Variants in PAFAH1B1 observed in about 807,000 individuals in gnomAD.
PAFAH1B1 encodes platelet activating factor acetylhydrolase 1b regulatory subunit 1.
Under a neutral mutation model 57.5 loss-of-function variants are expected in PAFAH1B1, and 2 were observed. That is an observed-to-expected ratio of 0.03 (90% confidence interval 0.01 to 0.11). The LOEUF (loss-of-function observed/expected upper bound fraction) is 0.11. Ranked by LOEUF, PAFAH1B1 falls within the 10% of genes least tolerant of loss-of-function variation. PAFAH1B1 has a pLI of 1.00. For synonymous variants in PAFAH1B1, 152 were observed against 169.6 expected, an observed-to-expected ratio of 0.90 and a Z score of 0.81; for missense variants, 257 against 512.0, an observed-to-expected ratio of 0.50 and a Z score of 4.81.
chr17:2,669,911 T>A (rs2069157824), intron 5 of PAFAH1B1, among the ~76,000 whole-genome samples: 1 of 152,230 alleles, frequency 6.6e-6, no homozygotes, highest in Non-Finnish European at 1.5e-5. Context: ...TTATCACTAT[T>A]ACAGTTGGTT....
intron 2 of PAFAH1B1, among the ~76,000 whole-genome samples, chr17:2,646,372 C>T (rs1279590398): frequency 1.3e-5 from 2 of 152,134 alleles, no homozygotes; most frequent in African/African-American, 4.8e-5. Context: ...AGATGATTTT[C>T]AAACTTATGA....
At chr17:2,611,521 C>A (rs1817505154) in intron 1 of PAFAH1B1, among the ~76,000 whole-genome samples, 1 of 151,668 alleles carries the variant, frequency 6.6e-6, no homozygotes. Context: ...GGGTCCAGGA[C>A]ACAGCTGTGT....
chr17:2,594,248 TC>T lies in PAFAH1B1; in HGVS notation c.-191+243del, dbSNP rs1319521328. On this transcript the variant is annotated intron_variant, in intron 1 of 10. Coordinates refer to ENST00000397195, the MANE Select transcript of PAFAH1B1 (RefSeq NM_000430.4). Reference sequence around the variant, plus strand: ...GGACTGTCCGGGGAGGGCGCTGCCCTCGCTCCTCTCCTCCCGGGCCCGGCTT... The same window carrying T: ...GGACTGTCCGGGGAGGGCGCTGCCCTGCTCCTCTCCTCCCGGGCCCGGCTT... Among the ~76,000 whole-genome samples, 3 of 152,194 alleles carry T rather than the reference TC, an allele frequency of 2.0e-5. No individual in the cohort carries two copies. The East Asian group carries it at 5.8e-4, about 30-fold the overall frequency.
intron 1 of PAFAH1B1, among the ~76,000 whole-genome samples, chr17:2,603,222 AACT>A (rs1292965654): frequency 6.6e-6 from 1 of 151,956 alleles, no homozygotes; most frequent in Non-Finnish European, 1.5e-5. Flanking sequence ...TGCAGTGGCT[AACT>A]ACAACTCTGC....
At chr17:2,635,248 T>C (rs1350896817) in intron 1 of PAFAH1B1, 2 of 152,094 alleles carry the variant, frequency 1.3e-5, no homozygotes, top group Non-Finnish European at 2.9e-5. Context: ...AAGTGTTCTT[T>C]ATATGTTTGT....
intron 1 of PAFAH1B1, among the ~76,000 whole-genome samples, chr17:2,600,127 A>G (rs915847405): frequency 1.3e-5 from 2 of 151,732 alleles, no homozygotes; most frequent in Non-Finnish European, 2.9e-5. Flanking sequence ...CCACAGGCAC[A>G]TACCACCACA....
intron 1 of PAFAH1B1, among the ~76,000 whole-genome samples, chr17:2,633,733 CT>C: frequency 6.6e-6 from 1 of 152,240 alleles, no homozygotes; most frequent in Non-Finnish European, 1.5e-5. Context: ...TCCAACCTTA[CT>C]TTGCTTGATA....
chr17:2,663,360 C>T (rs916032180), intron 2 of PAFAH1B1, among the ~76,000 whole-genome samples: 2 of 152,084 alleles, frequency 1.3e-5, no homozygotes, highest in East Asian at 3.8e-4. Flanking sequence ...GCTGTTAGAA[C>T]CAAGAGTTTT....
rs558935809 is a variant in PAFAH1B1, at chr17:2,642,714, G to C, written c.32+4394G>C. On this transcript the variant is annotated intron_variant, in intron 2 of 10. Transcript: ENST00000397195. The stretch of plus-strand genomic sequence containing the variant: ...AGAATTCGCATGCAGCTCTGCTCCT[G>C]CCTGTCCTGCCCACGACATGATCAT... Among the ~76,000 whole-genome samples the C allele has an allele frequency of 4.4e-4, 67 of 152,228 alleles. 1 individual carries two copies. The South Asian group carries it at 0.013, about 29-fold the overall frequency.
rs1347787755 is a variant in PAFAH1B1, at chr17:2,679,387, T to C, written c.1003-777T>C. Reference sequence around the variant, plus strand: ...ATGATTAGATGGATGAATGATTGGATGGATGGATGGATGGATGATTGGATG... The same window carrying C: ...ATGATTAGATGGATGAATGATTGGACGGATGGATGGATGGATGATTGGATG... On this transcript the variant is annotated intron_variant, in intron 9 of 10. Transcript: ENST00000397195. Among the ~76,000 whole-genome samples, 3 of 150,576 alleles carry C rather than the reference T, an allele frequency of 2.0e-5. No individual in the cohort carries two copies. The East Asian group carries it at 5.8e-4, about 29-fold the overall frequency.
At position 2,631,983 on chromosome 17, in the gene PAFAH1B1, A is replaced by G. The variant is rs145332048; in HGVS notation, c.-190-6116A>G. Among the ~76,000 whole-genome samples, 332 of 152,384 alleles carry G rather than the reference A, an allele frequency of 2.2e-3. 4 individuals are homozygous for G. The highest frequency in any genetic ancestry group is 7.3e-3 in the African/African-American group (304 of 41,586). ...ATTATGTACCCATTACCCAGCCTCA[A>G]CAGTTAGCAATTCAAAGCCTGTCTT... On this transcript the variant is annotated intron_variant, in intron 1 of 10. Transcript: ENST00000397195.
intron 1 of PAFAH1B1, among the ~76,000 whole-genome samples, chr17:2,619,956 T>A (rs1039517692): frequency 1.3e-5 from 2 of 152,048 alleles, no homozygotes; most frequent in African/African-American, 2.4e-5. Flanking sequence ...TTATTATTTT[T>A]TTATTATTAT....
rs574465886 is a variant in PAFAH1B1, at chr17:2,684,462, A to G, written c.*2660A>G. On this transcript the variant is annotated 3_prime_UTR_variant, in exon 11 of 11. Transcript: ENST00000397195. The stretch of plus-strand genomic sequence containing the variant: ...TGCTGCTTTGTCACTTTCTCAATCA[A>G]ATTGGCCACTTAAGAAATAAAGAGC... The G allele has an allele frequency of 1.3e-5, 2 of 152,770 alleles. No individual in the cohort carries two copies. Among genetic ancestry groups the G allele is most frequent in the East Asian group, 1.9e-4 (1 of 5,184 alleles). The allele number at this position is 152,770 out of a possible 1,614,324, so 9.5% of individuals were successfully genotyped here. A position where few individuals can be genotyped will look rare whatever the true frequency, so the allele number is the denominator to read the frequency against.
intron 2 of PAFAH1B1, among the ~76,000 whole-genome samples, chr17:2,660,365 G>A (rs185722872): frequency 4.8e-4 from 73 of 152,054 alleles, no homozygotes; most frequent in African/African-American, 1.3e-3. Flanking sequence ...AGCTCCACAC[G>A]CATTAGCTAT....
At position 2,657,152 on chromosome 17, in the gene PAFAH1B1, G is replaced by GT. The variant is rs574134530; in HGVS notation, c.33-8217dup. On this transcript the variant is annotated intron_variant, in intron 2 of 10. Transcript: ENST00000397195. ...TAACTATTAGATTTATTGGTTGAAG[G>GT]TTTGAGAGATTTCTTTTTTCCTGAT... 1.6e-4 allele frequency among the ~76,000 whole-genome samples: 25 copies of GT among 152,312 alleles called. No homozygotes were observed. The South Asian group carries it at 4.6e-3, about 28-fold the overall frequency.
At chr17:2,661,186 G>A (rs565906529) in intron 2 of PAFAH1B1, among the ~76,000 whole-genome samples, 1 of 152,074 alleles carries the variant, frequency 6.6e-6, no homozygotes, top group South Asian at 2.1e-4. Flanking sequence ...GATCCCACTT[G>A]TCAATTTTAG....
chr17:2,609,721 A>G (rs1215545224), intron 1 of PAFAH1B1, among the ~76,000 whole-genome samples: 4 of 151,958 alleles, frequency 2.6e-5, no homozygotes, highest in Non-Finnish European at 5.9e-5. Context: ...CATGTTGGCC[A>G]GGCTGGTCTC....
Position 2,652,379 on chromosome 17 carries a change from C to T in PAFAH1B1, c.33-12993C>T, listed in dbSNP as rs575441701. ...GCAGTGAGCCAAGATCGCGCCACTG[C>T]ACTCCAGCCTGGGCGGCAGAGCGAG... On this transcript the variant is annotated intron_variant, in intron 2 of 10. Transcript: ENST00000397195. 6.6e-5 allele frequency among the ~76,000 whole-genome samples: 10 copies of T among 152,372 alleles called. No individual in the cohort carries two copies. The South Asian group carries it at 8.3e-4, about 13-fold the overall frequency.
chr17:2,605,084 G>A (rs2068190406), intron 1 of PAFAH1B1, among the ~76,000 whole-genome samples: 1 of 152,178 alleles, frequency 6.6e-6, no homozygotes, highest in Non-Finnish European at 1.5e-5. Context: ...TATGCAGGTG[G>A]CAATAATGAA....
Sources: gnomAD v4.1 joint callset for allele counts (sites outside exome capture counted in the v4.1 genomes callset) on GRCh38, gnomAD v4.1.1 for gene constraint, MANE v1.5 for transcripts, NCBI Gene and HGNC (gene_info 2026-07-23, HGNC 2026-07-21) for gene names.